The following ABHD2 variants were observed in gnomAD, a reference collection of about 807,000 sequenced individuals.
The protein encoded by ABHD2 is abhydrolase domain containing 2, acylglycerol lipase, also known as monoacylglycerol lipase ABHD2.
ABHD2 carries 20 observed loss-of-function variants against 48.1 expected under a neutral mutation model. That is an observed-to-expected ratio of 0.42 (90% CI 0.29 to 0.60). The LOEUF (loss-of-function observed/expected upper bound fraction) is 0.60. Ranked by LOEUF, ABHD2 falls within the 20% of genes least tolerant of loss-of-function variation. ABHD2 has a pLI of 0.24. For missense variants in ABHD2, 405 were observed against 550.9 expected (o/e 0.74, Z 2.65); for synonymous variants, 209 against 214.2 (o/e 0.98, Z 0.21).
chr15:89,061,037 G>T, the ABHD2 span, among the ~76,000 whole-genome samples: 1 of 152,058 alleles, frequency 6.6e-6, no homozygotes, highest in Non-Finnish European at 1.5e-5. Flanking sequence ...CTAAACAATG[G>T]GTACTCATGG....
At position 89,188,427 on chromosome 15, in the gene ABHD2, C is replaced by T. The variant is rs1448768897; in HGVS notation, c.926+124C>T. The T allele has an allele frequency of 1.7e-5, 12 of 724,310 alleles. No homozygotes were observed. The South Asian group carries it at 2.3e-4, about 14-fold the overall frequency. 44.9% of individuals were successfully genotyped at this position (724,310 alleles called of 1,614,324 possible). On this transcript the variant is annotated intron_variant, in intron 8 of 10. Coordinates refer to ENST00000352732, the MANE Select transcript of ABHD2 (RefSeq NM_152924.5). This position sits in a 1 kb window ranked among gnomAD's most constrained non-coding sequence, Gnocchi z 4.1. ...TTGAGTGTTAAGGGTGTTTTTTTCC[C>T]TTTAAGTAAGTGTCTAGTGCTTAAA...
At chr15:89,052,520 GAGACAGACAGACAGAC>G in the ABHD2 span, among the ~76,000 whole-genome samples, 257 of 142,432 alleles carry the variant, frequency 1.8e-3, no homozygotes, top group East Asian at 5.8e-3. Flanking sequence ...TTTGGACCCA[GAGACAGACAGACAGAC>G]AGACAGACAG....
Position 89,175,838 on chromosome 15 carries a change from G to A in ABHD2, c.565G>A (p.Val189Met). 6.2e-7 allele frequency: 1 copy of A among 1,614,054 alleles called. No homozygotes were observed. Among genetic ancestry groups the A allele is most frequent in the Non-Finnish European group, 8.5e-7 (1 of 1,179,986 alleles). Residue 189 changes from valine (V) to methionine (M), a missense_variant, in exon 6 of 11, where the codon GTG (valine) becomes ATG (methionine). Coordinates refer to ENST00000352732, the MANE Select transcript of ABHD2 (RefSeq NM_152924.5). This position sits in a 1 kb window ranked among gnomAD's most constrained non-coding sequence, Gnocchi z 5.7. The part of the protein sequence containing the change: ...YGCTWEFGAM[V>M]NYIKKTYPLT... ...CTGCACGTGGGAATTTGGAGCCATGGTGAACTACATCAAGAAGACATATCC... is the reference window on the plus strand; with the variant it reads ...CTGCACGTGGGAATTTGGAGCCATGATGAACTACATCAAGAAGACATATCC...
Position 89,101,448 on chromosome 15 carries a change from G to A in ABHD2, c.-106-12277G>A, listed in dbSNP as rs559832612. ...TACTCATAAAGGCCTGTACCTCTCCGCCCAATGTAATAATCTGGTAAGAAA... is the reference window on the plus strand; with the variant it reads ...TACTCATAAAGGCCTGTACCTCTCCACCCAATGTAATAATCTGGTAAGAAA... On this transcript the variant is annotated intron_variant, in intron 1 of 10. Coordinates refer to ENST00000352732, the MANE Select transcript of ABHD2 (RefSeq NM_152924.5). Among the ~76,000 whole-genome samples, 9 of 152,248 alleles carry A rather than the reference G, an allele frequency of 5.9e-5. No individual in the cohort carries two copies. The South Asian group carries it at 1.9e-3, about 32-fold the overall frequency.
intron 4 of ABHD2, among the ~76,000 whole-genome samples, chr15:89,153,241 G>A (rs531199181): frequency 1.9e-4 from 29 of 152,232 alleles, no homozygotes; most frequent in African/African-American, 6.0e-4. Context: ...TTCTACTCTC[G>A]AAACCTATTT....
At chr15:89,054,617 A>G in the ABHD2 span, among the ~76,000 whole-genome samples, 472 of 151,926 alleles carry the variant, frequency 3.1e-3, 3 homozygotes, top group African/African-American at 0.011. Context: ...GCAGAGGAGG[A>G]TGCAGTGAGC....
chr15:89,139,598 G>C (rs2050370649), intron 3 of ABHD2, among the ~76,000 whole-genome samples: 1 of 152,170 alleles, frequency 6.6e-6, no homozygotes, highest in South Asian at 2.1e-4. Flanking sequence ...GTTCGGACCT[G>C]ATAACATCTT....
chr15:89,194,962 G>A (rs1024959399), intron 10 of ABHD2, among the ~76,000 whole-genome samples: 4 of 152,044 alleles, frequency 2.6e-5, no homozygotes, highest in Non-Finnish European at 4.4e-5. Context: ...ATATGCAGCC[G>A]AGTTTGAGAA....
In ABHD2 at chr15:89,120,812, G is replaced by C. The variant is rs931836524; in HGVS notation, c.194+4291G>C. 1 of 151,522 alleles carries C rather than the reference G, an allele frequency of 6.6e-6. No homozygotes were observed. Among genetic ancestry groups the C allele is most frequent in the African/African-American group, 2.4e-5 (1 of 41,232 alleles). 9.4% of individuals were successfully genotyped at this position (151,522 alleles called of 1,614,324 possible). ...TAGCTCTTTTGGAATTTGTCTAACA[G>C]GTTTTTCAGTTTTTAGCAGAAAACC... On this transcript the variant is annotated intron_variant, in intron 3 of 10. Transcript: ENST00000352732. This position sits in a 1 kb window ranked among gnomAD's most constrained non-coding sequence, Gnocchi z 4.2.
the ABHD2 span, among the ~76,000 whole-genome samples, chr15:89,065,284 T>C: frequency 1.3e-5 from 2 of 152,330 alleles, no homozygotes; most frequent in Middle Eastern, 6.8e-3. Context: ...ATCCACCCGT[T>C]ATGGCAAACT....
At chr15:89,074,247 G>A in the ABHD2 span, among the ~76,000 whole-genome samples, 1 of 152,074 alleles carries the variant, frequency 6.6e-6, no homozygotes, top group Non-Finnish European at 1.5e-5. Context: ...GTGATGGCGT[G>A]CTCCTGTAAT....
At chr15:89,074,275 C>G in the ABHD2 span, among the ~76,000 whole-genome samples, 1 of 151,958 alleles carries the variant, frequency 6.6e-6, no homozygotes, top group Non-Finnish European at 1.5e-5. Flanking sequence ...ACTCCGGAGG[C>G]TGAGGCAGAA....
At chr15:89,066,238 A>T in the ABHD2 span, among the ~76,000 whole-genome samples, 2 of 152,156 alleles carry the variant, frequency 1.3e-5, no homozygotes, top group Admixed American at 6.5e-5. Flanking sequence ...AGAAGTTCAA[A>T]ATCATGGTTC....
At chr15:89,131,925 A>G (rs1178821511) in intron 3 of ABHD2, among the ~76,000 whole-genome samples, 1 of 152,204 alleles carries the variant, frequency 6.6e-6, no homozygotes, top group Non-Finnish European at 1.5e-5. Flanking sequence ...GCATTAAGAA[A>G]TAAAGGCAAG....
At chr15:89,192,724 T>C (rs887907937) in intron 9 of ABHD2, among the ~76,000 whole-genome samples, 1 of 152,182 alleles carries the variant, frequency 6.6e-6, no homozygotes, top group African/African-American at 2.4e-5. Context: ...TTTTAACAAA[T>C]AGAGACTGGG....
rs1259690343 is a variant in ABHD2 at position 89,146,285 on chromosome 15, A to G, written c.195-5392A>G. On this transcript the variant is annotated intron_variant, in intron 3 of 10. Coordinates refer to ENST00000352732, the MANE Select transcript of ABHD2 (RefSeq NM_152924.5). The surrounding 1 kb of genome is among the most constrained non-coding windows in gnomAD (Gnocchi z 4.2). ...GCAAAGATGAGCATCAGTCAACTTT[A>G]TTTTTTCAACTCTCTTTTTAAAACA... Among the ~76,000 whole-genome samples, 4 of 150,190 alleles carry G rather than the reference A, an allele frequency of 2.7e-5. No individual in the cohort carries two copies. The highest frequency in any genetic ancestry group is 4.4e-5 in the Non-Finnish European group (3 of 67,716).
the ABHD2 span, among the ~76,000 whole-genome samples, chr15:89,066,085 C>T: frequency 2.4e-4 from 37 of 152,236 alleles, 1 homozygote; most frequent in South Asian, 7.7e-3. Context: ...TGTGACCATT[C>T]CTCTATATCC....
the ABHD2 span, among the ~76,000 whole-genome samples, chr15:89,078,955 A>G: frequency 6.6e-6 from 1 of 151,716 alleles, no homozygotes; most frequent in Non-Finnish European, 1.5e-5. Flanking sequence ...CTCATCTCGA[A>G]CTCCTGACCT....
At position 89,198,759 on chromosome 15, in the gene ABHD2, C is replaced by T. The variant is rs1490571688; in HGVS notation, c.*3336C>T. ...CTGAACATCTGCGTGAACTTGGCCT[C>T]TCCAGCCCTTGCAGGTGGAAACAGC... On this transcript the variant is annotated 3_prime_UTR_variant, in exon 11 of 11. Coordinates refer to ENST00000352732, the MANE Select transcript of ABHD2 (RefSeq NM_152924.5). The surrounding 1 kb of genome is among the most constrained non-coding windows in gnomAD (Gnocchi z 5.1). 1 of 152,212 alleles carries T rather than the reference C, an allele frequency of 6.6e-6. No individual in the cohort carries two copies. Among genetic ancestry groups the T allele is most frequent in the South Asian group, 2.1e-4 (1 of 4,822 alleles). The allele number at this position is 152,212 out of a possible 1,614,324, so 9.4% of individuals were successfully genotyped here.
Sources: gnomAD v4.1 joint callset for allele counts (sites outside exome capture counted in the v4.1 genomes callset) on GRCh38, gnomAD v4.1.1 for gene constraint, Gnocchi (gnomAD v3.1) non-coding constraint, MANE v1.5 for transcripts, NCBI Gene and HGNC (gene_info 2026-07-23, HGNC 2026-07-21) for gene names.